The following ME3 variants were observed in gnomAD, a reference collection of about 807,000 sequenced individuals.
ME3 encodes the protein NADP-dependent malic enzyme, mitochondrial.
A neutral mutation model predicts 68.9 loss-of-function variants in ME3; 48 were observed. The observed-to-expected ratio is 0.70, with a 90% CI of 0.55 to 0.89. The LOEUF (loss-of-function observed/expected upper bound fraction) is 0.89, where lower values mean the gene tolerates loss of function less well. Ranked by LOEUF, ME3 falls within the 40% of genes least tolerant of loss-of-function variation. The probability of loss-of-function intolerance (pLI) is 0.00; values close to 1 mark genes in which losing one functional copy is unlikely to be tolerated. For missense variants in ME3, 675 were observed against 797.4 expected, an observed-to-expected ratio of 0.85 and a Z score of 1.85; for synonymous variants, 320 against 318.8, an observed-to-expected ratio of 1.00 and a Z score of -0.04.
chr11:86,613,180 CTTA>C (rs1942715821), intron 2 of ME3, among the ~76,000 whole-genome samples: 1 of 152,128 alleles, frequency 6.6e-6, no homozygotes, highest in Non-Finnish European at 1.5e-5. Flanking sequence ...TTCCCCATTG[CTTA>C]TTTTTTCAGG....
intron 4 of ME3, among the ~76,000 whole-genome samples, chr11:86,536,925 A>G (rs375712554): frequency 2.3e-4 from 35 of 152,242 alleles, no homozygotes; most frequent in South Asian, 4.2e-4. Flanking sequence ...AGAAAATGTG[A>G]CACATATACA....
At chr11:86,529,280 A>G (rs1955017936) in intron 4 of ME3, among the ~76,000 whole-genome samples, 1 of 152,226 alleles carries the variant, frequency 6.6e-6, no homozygotes, top group African/African-American at 2.4e-5. Context: ...ATTCCTCGAC[A>G]CATACACCCT....
chr11:86,619,972 C>G (rs2135258566), intron 2 of ME3, among the ~76,000 whole-genome samples: 1 of 152,278 alleles, frequency 6.6e-6, no homozygotes, highest in East Asian at 1.9e-4. Flanking sequence ...TAAGCTCTTC[C>G]ATACAAGTAA....
At chr11:86,623,438 T>C (rs1446566836) in intron 2 of ME3, among the ~76,000 whole-genome samples, 33 of 152,230 alleles carry the variant, frequency 2.2e-4, no homozygotes, top group Admixed American at 2.2e-3. Context: ...GCTTCTGTAA[T>C]TGCCTGAGCA....
chr11:86,448,034 A>G (rs957661153), intron 11 of ME3, 116 bp downstream of exon 11: 7 of 681,346 alleles, frequency 1.0e-5, no homozygotes, highest in Non-Finnish European at 1.8e-5. Context: ...CACATGGGAT[A>G]GGGGAAAGAG....
At chr11:86,578,871 G>A (rs1958275107) in intron 2 of ME3, among the ~76,000 whole-genome samples, 1 of 152,140 alleles carries the variant, frequency 6.6e-6, no homozygotes, top group Non-Finnish European at 1.5e-5. Flanking sequence ...CTACTCATTA[G>A]AACCACTGCC....
chr11:86,508,865 C>T (rs1219341224), exon 5 of ME3: 1 of 1,612,068 alleles, frequency 6.2e-7, no homozygotes, highest in Admixed American at 1.7e-5. Context: ...GATGAACAGT[C>T]CACTAAAAGA....
intron 2 of ME3, among the ~76,000 whole-genome samples, chr11:86,665,142 A>G (rs1289855159): frequency 1.3e-5 from 2 of 152,188 alleles, no homozygotes; most frequent in South Asian, 2.1e-4. Context: ...ACGAGCACCA[A>G]CTAAGTACCT....
intron 2 of ME3, among the ~76,000 whole-genome samples, chr11:86,623,240 C>T (rs1388346977): frequency 6.6e-6 from 1 of 152,148 alleles, no homozygotes; most frequent in Admixed American, 6.5e-5. Context: ...CATTGTCACT[C>T]TCCTCTTGAG....
At chr11:86,611,299 C>A (rs1942554069) in intron 2 of ME3, among the ~76,000 whole-genome samples, 1 of 151,854 alleles carries the variant, frequency 6.6e-6, no homozygotes, top group Non-Finnish European at 1.5e-5. Context: ...TGAATAAAGC[C>A]TCTCCTTACA....
chr11:86,576,684 C>T (rs1405262510), intron 2 of ME3, among the ~76,000 whole-genome samples: 1 of 151,230 alleles, frequency 6.6e-6, no homozygotes, highest in Non-Finnish European at 1.5e-5. Context: ...CCATTGGGTG[C>T]TCCTCAATGT....
intron 2 of ME3, among the ~76,000 whole-genome samples, chr11:86,610,019 C>T (rs1942446289): frequency 1.3e-5 from 2 of 152,270 alleles, no homozygotes; most frequent in Non-Finnish European, 2.9e-5. Context: ...TCAGACCCAT[C>T]CTAGAAGTCA....
Position 86,554,162 on chromosome 11 carries a change from G to T in ME3, c.467+2391C>A, listed in dbSNP as rs373467334. Reference sequence around the variant, plus strand: ...TTTTACAAGCCTGTTGCATATGCAAGGTCCTAACCCTTCTACTAGTTCATC... The same window carrying T: ...TTTTACAAGCCTGTTGCATATGCAATGTCCTAACCCTTCTACTAGTTCATC... On this transcript the variant is annotated intron_variant, in intron 4 of 14. Transcript: ENST00000543262. 3.3e-5 allele frequency among the ~76,000 whole-genome samples: 5 copies of T among 152,200 alleles called. No individual in the cohort carries two copies. In the East Asian group the frequency reaches 7.7e-4, roughly 23 times the overall value.
At chr11:86,643,371 A>T (rs1944791775) in intron 2 of ME3, among the ~76,000 whole-genome samples, 4 of 152,114 alleles carry the variant, frequency 2.6e-5, no homozygotes, top group Non-Finnish European at 4.4e-5. Context: ...TCCATTCAGA[A>T]CCACCCACAA....
chr11:86,536,292 A>C (rs1376831337), intron 4 of ME3, among the ~76,000 whole-genome samples: 1 of 150,498 alleles, frequency 6.6e-6, no homozygotes, highest in African/African-American at 2.5e-5. Flanking sequence ...AATGGGATCT[A>C]ATTAAACTAA....
chr11:86,478,393 T>A (rs1331065970), intron 7 of ME3, among the ~76,000 whole-genome samples: 1 of 145,846 alleles, frequency 6.9e-6, no homozygotes, highest in Non-Finnish European at 1.5e-5. Context: ...GATGTCACAA[T>A]GCAGTGCATG....
At chr11:86,642,115 G>T (rs1253789091) in intron 2 of ME3, among the ~76,000 whole-genome samples, 1 of 152,200 alleles carries the variant, frequency 6.6e-6, no homozygotes. Context: ...GGTTCATGTT[G>T]CATGAACTCC....
chr11:86,539,758 T>A (rs1016505491), intron 4 of ME3, among the ~76,000 whole-genome samples: 2 of 152,192 alleles, frequency 1.3e-5, no homozygotes, highest in African/African-American at 4.8e-5. Context: ...TTATTCTTTG[T>A]CCTTTTAATC....
In ME3 at chr11:86,563,253, G is replaced by T. The variant is rs181368400; in HGVS notation, c.184-3430C>A. Among the ~76,000 whole-genome samples the T allele has an allele frequency of 3.1e-4, 47 of 152,166 alleles. 1 individual carries two copies. The highest frequency in any genetic ancestry group is 1.8e-3 in the Admixed American group (28 of 15,256). Reference sequence around the variant, plus strand: ...TTGAGAACTCTCTGGGCTGCTTTCCGTAGTGGCTGGACTAATTTACATTAC... The same window carrying T: ...TTGAGAACTCTCTGGGCTGCTTTCCTTAGTGGCTGGACTAATTTACATTAC... On this transcript the variant is annotated intron_variant, in intron 2 of 14. Transcript: ENST00000543262.
Sources: allele counts gnomAD v4.1 joint callset (sites outside exome capture counted in the v4.1 genomes callset), GRCh38; gene constraint gnomAD v4.1.1; transcripts MANE v1.5; gene names NCBI Gene and HGNC (gene_info 2026-07-23, HGNC 2026-07-21).